CWH43: variants seen among roughly 807,000 people sequenced by gnomAD.
CWH43 encodes the protein PGAP2-interacting protein.
A neutral mutation model predicts 85.7 loss-of-function variants in CWH43; 91 were observed. The observed-to-expected ratio is 1.06, with a 90% CI of 0.90 to 1.26. The LOEUF is 1.26. Ranked by LOEUF, CWH43 falls within the 50% of genes most tolerant of loss-of-function variation. The pLI is 0.00. For missense variants in CWH43, 869 were observed against 839.2 expected (o/e 1.04, Z -0.44); for synonymous variants, 323 against 293.6 (o/e 1.10, Z -1.02).
Position 48,992,126 on chromosome 4 carries a change from G to A in CWH43, c.511+36G>A. On this transcript the variant is annotated intron_variant, in intron 4 of 15. Transcript: ENST00000226432. The surrounding 1 kb of genome is among the most constrained non-coding windows in gnomAD (Gnocchi z 4.3). ...AACTTAGGAATTTTCTCTTTGCAGAGCTTACCTTTCCTATGTGAATGTTGC... is the reference window on the plus strand; with the variant it reads ...AACTTAGGAATTTTCTCTTTGCAGAACTTACCTTTCCTATGTGAATGTTGC... 1.3e-6 allele frequency: 2 copies of A among 1,553,370 alleles called. No homozygotes were observed. The highest frequency in any genetic ancestry group is 1.3e-5 in the African/African-American group (1 of 74,098).
At chr4:49,052,253 G>A (rs1577713643) in intron 15 of CWH43, among the ~76,000 whole-genome samples, 2 of 152,128 alleles carry the variant, frequency 1.3e-5, no homozygotes, top group African/African-American at 2.4e-5. Context: ...GCGGGCCTTA[G>A]GGTCATCTGT....
intron 15 of CWH43, among the ~76,000 whole-genome samples, chr4:49,058,260 T>C (rs867234914): frequency 1.3e-5 from 2 of 152,150 alleles, no homozygotes; most frequent in Middle Eastern, 3.2e-3. Context: ...GTATCTACTA[T>C]AGGTTTTTTA....
intron 8 of CWH43, among the ~76,000 whole-genome samples, chr4:49,008,482 A>G (rs941714966): frequency 1.3e-5 from 2 of 152,148 alleles, no homozygotes; most frequent in African/African-American, 4.8e-5. Context: ...CAGTTTAATT[A>G]GATCCCATTT....
intron 14 of CWH43, among the ~76,000 whole-genome samples, chr4:49,049,741 G>T (rs1416322042): frequency 6.6e-6 from 1 of 152,048 alleles, no homozygotes; most frequent in Non-Finnish European, 1.5e-5. Flanking sequence ...TGTATGGCTT[G>T]ATCCCTCCCT....
intron 10 of CWH43, among the ~76,000 whole-genome samples, chr4:49,030,368 A>T (rs1784055557): frequency 6.6e-6 from 1 of 152,104 alleles, no homozygotes; most frequent in African/African-American, 2.4e-5. Context: ...TTTGCCCCTT[A>T]GCCCTTTTTT....
chr4:49,046,450 C>T (rs1279874278), intron 14 of CWH43, among the ~76,000 whole-genome samples: 2 of 151,872 alleles, frequency 1.3e-5, no homozygotes, highest in African/African-American at 4.8e-5. Flanking sequence ...ACTTACATCG[C>T]AGTGGAAGGA....
chr4:49,015,133 A>G (rs756867812), intron 8 of CWH43, among the ~76,000 whole-genome samples: 5 of 152,080 alleles, frequency 3.3e-5, no homozygotes, highest in Admixed American at 6.6e-5. Flanking sequence ...TAAGGGTTTA[A>G]TCTATTTTTA....
intron 8 of CWH43, among the ~76,000 whole-genome samples, chr4:49,008,042 A>G (rs1783223434): frequency 6.6e-6 from 1 of 152,204 alleles, no homozygotes; most frequent in Non-Finnish European, 1.5e-5. Flanking sequence ...TTGAGGAATC[A>G]CCACACTGTT....
rs1482201863 is a variant in CWH43 at position 49,030,849 on chromosome 4, A to G, written c.1397A>G (p.Glu466Gly). 5 of 1,583,558 alleles carry G rather than the reference A, an allele frequency of 3.2e-6. No individual in the cohort carries two copies. The highest frequency in any genetic ancestry group is 4.3e-6 in the Non-Finnish European group (5 of 1,170,114). ...ETGADFITIL[E>G]SDASKPYMGN... The stretch of plus-strand genomic sequence containing the variant: ...GGTGCAGATTTCATAACAATTTTGG[A>G]GAGTGATGCTTCTAAGCCCTATATG... Residue 466 changes from glutamate (E) to glycine (G), a missense_variant, in exon 11 of 16, where the codon GAG becomes GGG. Around this residue, in one of 3 missense-constraint regions of CWH43, gnomAD observed 577 missense variants for 513.1 expected, o/e 1.12. Coordinates refer to ENST00000226432, the MANE Select transcript of CWH43 (RefSeq NM_025087.3).
intron 12 of CWH43, among the ~76,000 whole-genome samples, chr4:49,037,813 G>A (rs1056266537): frequency 5.9e-5 from 9 of 152,272 alleles, no homozygotes; most frequent in African/African-American, 1.7e-4. Flanking sequence ...CAAATGACTT[G>A]TGAAGAAAGG....
chr4:49,026,368 G>T (rs1158105231), intron 9 of CWH43, among the ~76,000 whole-genome samples: 1 of 152,236 alleles, frequency 6.6e-6, no homozygotes, highest in Admixed American at 6.5e-5. Context: ...AGGGTCTGTG[G>T]ATTCCCTTGG....
chr4:49,016,857 T>C (rs1783563402), intron 8 of CWH43: 2 of 782,692 alleles, frequency 2.6e-6, no homozygotes, highest in Non-Finnish European at 4.7e-6. Context: ...CCCAAAGACA[T>C]GCCTTCTCTC....
chr4:48,988,611 T>C lies in CWH43; in HGVS notation c.178T>C (p.Phe60Leu), dbSNP rs758445053. 3.1e-5 allele frequency: 50 copies of C among 1,613,194 alleles called. 1 individual carries two copies. In the South Asian group the frequency reaches 5.5e-4, roughly 18 times the overall value. Residue 60 changes from phenylalanine to leucine, a missense_variant, in exon 2 of 16, where the codon TTC (phenylalanine) becomes CTC (leucine). Coordinates refer to ENST00000226432, the MANE Select transcript of CWH43 (RefSeq NM_025087.3). ...LSPIFLTITPFWKLVNKKWML... is the reference protein window; with the variant it reads ...LSPIFLTITPLWKLVNKKWML... ...TCCAATATTCCTAACAATTACTCCTTTCTGGAAATTGGTTAACAAGAAGTG... is the reference window on the plus strand; with the variant it reads ...TCCAATATTCCTAACAATTACTCCTCTCTGGAAATTGGTTAACAAGAAGTG...
chr4:49,024,864 G>A (rs1783859020), intron 9 of CWH43, among the ~76,000 whole-genome samples: 1 of 152,016 alleles, frequency 6.6e-6, no homozygotes, highest in Non-Finnish European at 1.5e-5. Flanking sequence ...TTTCCCAAGT[G>A]TTTTTTGAGC....
intron 11 of CWH43, 62 bp downstream of exon 11, chr4:49,031,022 G>A (rs1226232287): frequency 7.0e-7 from 1 of 1,426,550 alleles, no homozygotes. Flanking sequence ...GCATAGGCTT[G>A]GAGTGGCAAG....
chr4:49,041,415 T>C (rs1193893640), intron 13 of CWH43, among the ~76,000 whole-genome samples: 1 of 152,172 alleles, frequency 6.6e-6, no homozygotes, highest in Non-Finnish European at 1.5e-5. Context: ...CCTCTTTTAT[T>C]TCCTTGAGCA....
intron 8 of CWH43, chr4:49,016,682 G>T: frequency 2.6e-6 from 2 of 765,182 alleles, no homozygotes; most frequent in Non-Finnish European, 4.9e-6. Flanking sequence ...CTTCTGGGCT[G>T]CTTAGTCCAT....
At chr4:49,051,699 C>A (rs1328178617) in intron 15 of CWH43, among the ~76,000 whole-genome samples, 2 of 152,106 alleles carry the variant, frequency 1.3e-5, no homozygotes, top group Admixed American at 6.5e-5. Context: ...GTCTCAGCCT[C>A]CTGAGTAGCT....
chr4:49,032,818 T>C, intron 12 of CWH43, 103 bp downstream of exon 12: 1 of 1,401,810 alleles, frequency 7.1e-7, no homozygotes, highest in Non-Finnish European at 9.9e-7. Flanking sequence ...TCTTCTTTTT[T>C]ACCTCCCAAA....
Sources: allele counts gnomAD v4.1 joint callset (sites outside exome capture counted in the v4.1 genomes callset), GRCh38; gene constraint gnomAD v4.1.1; regional missense constraint gnomAD v4.1.1; non-coding constraint Gnocchi (gnomAD v3.1); transcripts MANE v1.5; gene names NCBI Gene and HGNC (gene_info 2026-07-23, HGNC 2026-07-21).